Variants in RAD51B observed in about 807,000 individuals in gnomAD.
RAD51B encodes the protein DNA repair protein RAD51 homolog 2.
RAD51B carries 38 observed loss-of-function variants against 42.2 expected under a neutral mutation model. The ratio of observed to expected loss-of-function variants is 0.90; its 90% confidence interval spans 0.70 to 1.18. The LOEUF is 1.18. Among genes scored for constraint, RAD51B ranks in the 50% most tolerant of loss-of-function variants. The pLI is 0.00. For synonymous variants in RAD51B, 154 were observed against 145.2 expected, an observed-to-expected ratio of 1.06 and a Z score of -0.43; for missense variants, 373 against 400.7, an observed-to-expected ratio of 0.93 and a Z score of 0.59.
Position 68,523,973 on chromosome 14 carries a change from C to G in RAD51B, c.1036+55723C>G, listed in dbSNP as rs558022679. ...TCTGGTGGCATCAAAATGGCCAGTT[C>G]TGTGACAGTAAAAGAGGTTTGTGTC... is the stretch of plus-strand genomic sequence containing the variant. On this transcript the variant is annotated intron_variant, in intron 10 of 10. Transcript: ENST00000487270. Among the ~76,000 whole-genome samples, 4 of 152,310 alleles carry G rather than the reference C, an allele frequency of 2.6e-5. No individual in the cohort carries two copies. In the East Asian group the frequency reaches 7.7e-4, roughly 29 times the overall value.
intron 10 of RAD51B, among the ~76,000 whole-genome samples, chr14:68,553,611 C>T (rs1357375897): frequency 2.6e-5 from 4 of 151,400 alleles, no homozygotes; most frequent in Non-Finnish European, 5.9e-5. Context: ...TGTTTGGCAG[C>T]ATTGAGCACC....
chr14:68,430,304 TG>T, intron 9 of RAD51B, among the ~76,000 whole-genome samples: 1 of 152,318 alleles, frequency 6.6e-6, no homozygotes, highest in South Asian at 2.1e-4. Flanking sequence ...GGTAGCTTTA[TG>T]GGGATGGCAT....
intron 10 of RAD51B, among the ~76,000 whole-genome samples, chr14:68,544,319 C>T (rs1257884300): frequency 6.6e-6 from 1 of 152,208 alleles, no homozygotes; most frequent in African/African-American, 2.4e-5. Context: ...GGACCACTGA[C>T]TGAATCACCA....
chr14:68,123,978 A>G (rs1277202437), intron 7 of RAD51B, among the ~76,000 whole-genome samples: 1 of 152,178 alleles, frequency 6.6e-6, no homozygotes, highest in Non-Finnish European at 1.5e-5. Context: ...TTCAGGCTCT[A>G]AGTATTCCAA....
chr14:68,339,361 AT>A, intron 8 of RAD51B: 1 of 1,026,266 alleles, frequency 9.7e-7, no homozygotes. Context: ...TAGTGGGGCC[AT>A]TTCACAAAGC....
chr14:68,592,939 G>T (rs1890822376), intron 10 of RAD51B, among the ~76,000 whole-genome samples: 3 of 152,172 alleles, frequency 2.0e-5, no homozygotes, highest in Non-Finnish European at 1.5e-5. Context: ...ATCAGAATGG[G>T]CTCAGGGTGG....
At chr14:68,040,455 A>T (rs1382216398) in intron 7 of RAD51B, among the ~76,000 whole-genome samples, 1 of 152,240 alleles carries the variant, frequency 6.6e-6, no homozygotes, top group Non-Finnish European at 1.5e-5. Context: ...GGTTTAAGGT[A>T]ATAGTTATGT....
intron 7 of RAD51B, among the ~76,000 whole-genome samples, chr14:68,059,806 A>G (rs1040787064): frequency 3.7e-4 from 56 of 152,202 alleles, no homozygotes; most frequent in Non-Finnish European, 6.5e-4. Context: ...ATCCATTTTC[A>G]TATACTTCTC....
chr14:68,439,152 G>A (rs891356671), intron 9 of RAD51B, among the ~76,000 whole-genome samples: 3 of 73,572 alleles, frequency 4.1e-5, no homozygotes, highest in Non-Finnish European at 7.9e-5. Flanking sequence ...ATGTATTTTT[G>A]TACACACACA....
chr14:68,099,166 CTT>C (rs2077247080), intron 7 of RAD51B, among the ~76,000 whole-genome samples: 1 of 152,204 alleles, frequency 6.6e-6, no homozygotes, highest in African/African-American at 2.4e-5. Flanking sequence ...ACTTCCTACT[CTT>C]TGTTGTGGAA....
intron 7 of RAD51B, among the ~76,000 whole-genome samples, chr14:68,291,324 G>C (rs1199932827): frequency 6.6e-6 from 1 of 151,752 alleles, no homozygotes. Flanking sequence ...TCAGCCTCCC[G>C]AGTAGAGTAG....
At chr14:68,063,303 G>C (rs753005323) in intron 7 of RAD51B, among the ~76,000 whole-genome samples, 1 of 151,988 alleles carries the variant, frequency 6.6e-6, no homozygotes, top group Non-Finnish European at 1.5e-5. Context: ...ATGTTGAATT[G>C]TAATCCCCAG....
At chr14:68,021,396 G>C (rs763074445) in intron 7 of RAD51B, among the ~76,000 whole-genome samples, 3 of 152,132 alleles carry the variant, frequency 2.0e-5, no homozygotes, top group Non-Finnish European at 4.4e-5. Flanking sequence ...TCTCCCGTGA[G>C]ATGGTGTTTC....
chr14:68,562,418 A>G (rs1332861086), intron 10 of RAD51B: 1 of 983,236 alleles, frequency 1.0e-6, no homozygotes, highest in East Asian at 1.1e-4. Flanking sequence ...AGGCCCATAC[A>G]GCCCCCAGTC....
At chr14:67,946,988 T>A (rs2045417751) in intron 7 of RAD51B, among the ~76,000 whole-genome samples, 1 of 152,210 alleles carries the variant, frequency 6.6e-6, no homozygotes, top group African/African-American at 2.4e-5. Flanking sequence ...CTAATATATT[T>A]GATAAAATAG....
intron 7 of RAD51B, among the ~76,000 whole-genome samples, chr14:68,055,815 A>G (rs2076464644): frequency 2.0e-5 from 3 of 152,204 alleles, no homozygotes; most frequent in South Asian, 4.1e-4. Context: ...GGCTCTACAC[A>G]GTGAGCAAAG....
chr14:68,071,693 A>G (rs1271087081), intron 7 of RAD51B, among the ~76,000 whole-genome samples: 5 of 152,046 alleles, frequency 3.3e-5, no homozygotes, highest in South Asian at 2.1e-4. Flanking sequence ...TTTTACATCT[A>G]TGTTCATCAG....
At chr14:68,322,415 T>C (rs781033183) in intron 8 of RAD51B, among the ~76,000 whole-genome samples, 4 of 152,206 alleles carry the variant, frequency 2.6e-5, no homozygotes, top group Non-Finnish European at 4.4e-5. Context: ...CCCTTCCACA[T>C]GTTTCAGTTG....
At chr14:68,103,656 G>A (rs1449202007) in intron 7 of RAD51B, among the ~76,000 whole-genome samples, 1 of 152,146 alleles carries the variant, frequency 6.6e-6, no homozygotes, top group African/African-American at 2.4e-5. Flanking sequence ...AATTGAGGAA[G>A]GGAAGTCTCT....
Sources: allele counts gnomAD v4.1 joint callset (sites outside exome capture counted in the v4.1 genomes callset), GRCh38; gene constraint gnomAD v4.1.1; transcripts MANE v1.5; gene names NCBI Gene and HGNC (gene_info 2026-07-23, HGNC 2026-07-21).